TAFA2: variants seen among roughly 807,000 people sequenced by gnomAD.
The protein encoded by TAFA2 is chemokine-like protein TAFA-2.
In TAFA2, 7 loss-of-function variants were observed where a neutral mutation model predicts 18.8. That is an observed-to-expected ratio of 0.37 (90% CI 0.21 to 0.70). The LOEUF (loss-of-function observed/expected upper bound fraction) is 0.70. Ranked by LOEUF, TAFA2 falls within the 30% of genes least tolerant of loss-of-function variation. TAFA2 has a pLI of 0.53. For synonymous variants in TAFA2, 60 were observed against 54.2 expected, an observed-to-expected ratio of 1.11 and a Z score of -0.47; for missense variants, 122 against 158.1, an observed-to-expected ratio of 0.77 and a Z score of 1.23.
chr12:62,147,254 ATGTGTATATATATGTGTG>A (rs1455495393), intron 1 of TAFA2, among the ~76,000 whole-genome samples: 4 of 144,506 alleles, frequency 2.8e-5, no homozygotes, highest in Non-Finnish European at 6.0e-5. Flanking sequence ...GTATATATGT[ATGTGTATATATATGTGTG>A]TGTGTATATA....
intron 1 of TAFA2, among the ~76,000 whole-genome samples, chr12:62,019,649 A>G (rs936713994): frequency 7.5e-6 from 1 of 133,366 alleles, no homozygotes; most frequent in African/African-American, 2.8e-5. Flanking sequence ...GAAGGGGAAC[A>G]TCACACACCG....
At chr12:62,221,708 G>A (rs1294766898) in intron 1 of TAFA2, among the ~76,000 whole-genome samples, 1 of 151,964 alleles carries the variant, frequency 6.6e-6, no homozygotes, top group Admixed American at 6.6e-5. Flanking sequence ...TAAATATAAA[G>A]ACAAAAATGA....
intron 1 of TAFA2, among the ~76,000 whole-genome samples, chr12:61,993,719 G>C (rs940206259): frequency 2.0e-5 from 3 of 152,124 alleles, no homozygotes; most frequent in African/African-American, 7.2e-5. Flanking sequence ...GTGTAAATTG[G>C]GGACTCTTCA....
At chr12:61,888,857 A>G (rs1325496944) in intron 1 of TAFA2, among the ~76,000 whole-genome samples, 1 of 152,330 alleles carries the variant, frequency 6.6e-6, no homozygotes, top group South Asian at 2.1e-4. Context: ...GTATAAACAT[A>G]TATTAGTTTA....
At chr12:62,078,382 A>AT (rs936214155) in intron 1 of TAFA2, among the ~76,000 whole-genome samples, 3 of 150,098 alleles carry the variant, frequency 2.0e-5, no homozygotes, top group African/African-American at 7.4e-5. Flanking sequence ...CATAAGAACT[A>AT]TGCACACGTA....
At chr12:61,820,260 G>C (rs1872262840) in intron 2 of TAFA2, among the ~76,000 whole-genome samples, 1 of 150,242 alleles carries the variant, frequency 6.7e-6, no homozygotes, top group Non-Finnish European at 1.5e-5. Context: ...ATGGAAGGGA[G>C]AGGTAGTTGA....
intron 1 of TAFA2, among the ~76,000 whole-genome samples, chr12:62,113,137 T>G (rs1312584605): frequency 6.6e-6 from 1 of 152,218 alleles, no homozygotes; most frequent in Non-Finnish European, 1.5e-5. Flanking sequence ...CTTTGTTCTT[T>G]GATGTCAGTG....
intron 4 of TAFA2, among the ~76,000 whole-genome samples, chr12:61,744,715 T>A (rs934463345): frequency 2.0e-5 from 3 of 151,976 alleles, no homozygotes; most frequent in African/African-American, 7.2e-5. Context: ...CCACCACATC[T>A]GCCTAATTTT....
intron 1 of TAFA2, among the ~76,000 whole-genome samples, chr12:61,971,188 C>T (rs985301152): frequency 6.6e-5 from 10 of 151,412 alleles, no homozygotes; most frequent in African/African-American, 2.2e-4. Flanking sequence ...AGGAAGACTT[C>T]CTGGAAAGAA....
At chr12:62,235,322 T>TTG (rs2062831954) in intron 1 of TAFA2, 1 of 666,712 alleles carries the variant, frequency 1.5e-6, no homozygotes, top group Non-Finnish European at 2.8e-6. Context: ...TCGGCATCTC[T>TTG]GTCCTGTGAG....
intron 1 of TAFA2, chr12:62,021,818 G>T (rs113058491): frequency 1.2e-6 from 1 of 850,620 alleles, no homozygotes; most frequent in Non-Finnish European, 2.1e-6. Context: ...CACGGTCTCC[G>T]CTGTGGATCA....
intron 2 of TAFA2, among the ~76,000 whole-genome samples, chr12:61,784,802 T>A (rs1394568525): frequency 6.6e-6 from 1 of 151,434 alleles, no homozygotes; most frequent in African/African-American, 2.4e-5. Flanking sequence ...TTCTTTTCTC[T>A]CTTTTCCTCT....
chr12:62,035,965 C>G (rs1046115892), intron 1 of TAFA2, among the ~76,000 whole-genome samples: 1 of 151,774 alleles, frequency 6.6e-6, no homozygotes, highest in African/African-American at 2.4e-5. Context: ...TGGTCTCGAT[C>G]TCCTGACCTC....
rs181721719 is a variant in TAFA2 at position 61,799,597 on chromosome 12, C to T, written c.107-44573G>A. On this transcript the variant is annotated intron_variant, in intron 2 of 4. Transcript: ENST00000416284. ...CAGCACTTTGGGAGGCCGAGGCGGG[C>T]GGATCACGAAGTCAGGAAATCGAGA... Among the ~76,000 whole-genome samples, 1,066 of 152,120 alleles carry T rather than the reference C, an allele frequency of 7.0e-3. 11 individuals are homozygous for T. Among genetic ancestry groups the T allele is most frequent in the Non-Finnish European group, 8.7e-3 (590 of 67,966 alleles).
At chr12:61,776,618 A>T (rs547983479) in intron 2 of TAFA2, among the ~76,000 whole-genome samples, 21 of 151,922 alleles carry the variant, frequency 1.4e-4, no homozygotes, top group African/African-American at 5.1e-4. Context: ...GAGATGCCTG[A>T]AAGCTAGCCA....
At chr12:62,179,231 C>T (rs1171919111) in intron 1 of TAFA2, among the ~76,000 whole-genome samples, 1 of 152,048 alleles carries the variant, frequency 6.6e-6, no homozygotes, top group Non-Finnish European at 1.5e-5. Context: ...TTGGGTGGTA[C>T]AAGGTGAAGA....
In TAFA2 at chr12:61,714,383, A is replaced by T. The variant is rs966793429; in HGVS notation, c.385-3966T>A. On this transcript the variant is annotated intron_variant, in intron 4 of 4. Transcript: ENST00000416284. ...ACATATAAAATGCAGAAATAATAAT[A>T]GCTTTTCTGTCACAAGCAGGACGCT... is the stretch of plus-strand genomic sequence containing the variant. Among the ~76,000 whole-genome samples the T allele has an allele frequency of 2.0e-5, 3 of 152,328 alleles. No individual in the cohort carries two copies. The East Asian group carries it at 5.8e-4, about 29-fold the overall frequency.
At chr12:62,239,525 CAA>C (rs1296027030) in intron 1 of TAFA2, among the ~76,000 whole-genome samples, 2 of 152,170 alleles carry the variant, frequency 1.3e-5, no homozygotes, top group Non-Finnish European at 2.9e-5. Flanking sequence ...CTAGTTCAAT[CAA>C]AAGAGCAGGG....
At chr12:62,214,030 G>A (rs2062724110) in intron 1 of TAFA2, among the ~76,000 whole-genome samples, 1 of 152,096 alleles carries the variant, frequency 6.6e-6, no homozygotes, top group Non-Finnish European at 1.5e-5. Flanking sequence ...AGCCTTTTGG[G>A]GAACTAAGAA....
Sources: gnomAD v4.1 joint callset for allele counts (sites outside exome capture counted in the v4.1 genomes callset) on GRCh38, gnomAD v4.1.1 for gene constraint, MANE v1.5 for transcripts, NCBI Gene and HGNC (gene_info 2026-07-23, HGNC 2026-07-21) for gene names.